PDCD11: variants seen among roughly 807,000 people sequenced by gnomAD.
PDCD11 encodes protein RRP5 homolog.
Under a neutral mutation model 198.9 loss-of-function variants are expected in PDCD11, and 97 were observed. That is an observed-to-expected ratio of 0.49 (90% CI 0.41 to 0.58). PDCD11 has a LOEUF of 0.58. PDCD11 is among the 20% of genes least tolerant of loss of function. The pLI is 0.00. For synonymous variants in PDCD11, 893 were observed against 918.0 expected, an observed-to-expected ratio of 0.97 and a Z score of 0.49; for missense variants, 2,102 against 2,312.7, an observed-to-expected ratio of 0.91 and a Z score of 1.87.
At chr10:103,430,635 C>CTTTTTTTTT (rs945485194) in intron 21 of PDCD11, among the ~76,000 whole-genome samples, 2 of 130,834 alleles carry the variant, frequency 1.5e-5, no homozygotes, top group African/African-American at 2.8e-5. Flanking sequence ...TCGTTATTTT[C>CTTTTTTTTT]TTTTTTTTTT....
At chr10:103,413,381 A>AG in intron 9 of PDCD11, 59 bp downstream of exon 9, 1 of 1,386,928 alleles carries the variant, frequency 7.2e-7, no homozygotes, top group Non-Finnish European at 1.0e-6. Flanking sequence ...TCTGGAGCAC[A>AG]GGGGGCCATT....
chr10:103,421,259 T>C (rs772004868), intron 16 of PDCD11, 89 bp from the exon 17 acceptor site: 228 of 994,086 alleles, frequency 2.3e-4, no homozygotes, highest in Non-Finnish European at 3.3e-4. Context: ...CATTTCCCCC[T>C]ACTCACGTAC....
intron 2 of PDCD11, among the ~76,000 whole-genome samples, chr10:103,399,167 A>G (rs185099737): frequency 7.9e-4 from 111 of 139,914 alleles, no homozygotes; most frequent in African/African-American, 2.8e-3. Flanking sequence ...GCTGAAGTGC[A>G]GTGGCGTGAG....
intron 16 of PDCD11, 113 bp downstream of exon 16, chr10:103,419,821 G>T (rs889254699): frequency 3.2e-6 from 3 of 924,616 alleles, no homozygotes; most frequent in Non-Finnish European, 4.8e-6. Flanking sequence ...AGACAGTCTT[G>T]TTCTGTCGCC....
Position 103,420,853 on chromosome 10 carries a change from TTTG to T in PDCD11, c.2278-483_2278-481del, listed in dbSNP as rs137965347. ...GCCCTCTCCTGGAGGCTCTGTTTTT[TTTG>T]TTGTTGTTGTTTGTTTTTGTTTTTG... On this transcript the variant is annotated intron_variant, in intron 16 of 35. Coordinates refer to ENST00000369797, the MANE Select transcript of PDCD11 (RefSeq NM_014976.2). Among the ~76,000 whole-genome samples the T allele has an allele frequency of 4.6e-3, 702 of 151,730 alleles. 17 individuals carry two copies. The East Asian group carries it at 0.064, about 14-fold the overall frequency.
chr10:103,442,472 G>A lies in PDCD11; in HGVS notation c.4955+12G>A, dbSNP rs1005016297. ...ACCATCTCCTTCAGGTCTCAGCTTT[G>A]CCCCAGGGAGCACAGTGTCTTCGCA... On this transcript the variant is annotated intron_variant, in intron 32 of 35. Transcript: ENST00000369797. 1.2e-6 allele frequency: 2 copies of A among 1,610,122 alleles called. No individual in the cohort carries two copies. The highest frequency in any genetic ancestry group is 1.7e-6 in the Non-Finnish European group (2 of 1,178,210).
chr10:103,437,341 G>A (rs1404832277), intron 25 of PDCD11, among the ~76,000 whole-genome samples: 2 of 152,036 alleles, frequency 1.3e-5, no homozygotes. Flanking sequence ...ACAGGGTCTC[G>A]CTTTGCTGCC....
At chr10:103,398,824 G>A (rs1414016077) in intron 2 of PDCD11, among the ~76,000 whole-genome samples, 1 of 152,158 alleles carries the variant, frequency 6.6e-6, no homozygotes, top group African/African-American at 2.4e-5. Context: ...TTCAAGAGCA[G>A]CCTGGCCAAC....
rs748425835 is a variant in PDCD11, at chr10:103,434,836, C to G, written c.3706C>G (p.Arg1236Gly). The change falls in exon 25 of 36, where the codon CGA becomes GGA. Residue 1236 changes from arginine to glycine, a missense_variant. Transcript: ENST00000369797. ...TGAGGAAGGGGAAGTGGCCATGGGC[C>G]GAGTGGTGAAGGTGACTCCCAACGA... ...KLEEGEVAMG[R>G]VVKVTPNEGL... The G allele has an allele frequency of 6.2e-7, 1 of 1,611,672 alleles. No individual in the cohort carries two copies. Among genetic ancestry groups the G allele is most frequent in the Non-Finnish European group, 8.5e-7 (1 of 1,178,986 alleles).
chr10:103,434,979 A>G lies in PDCD11; in HGVS notation c.3845+4A>G, dbSNP rs202038459. On this transcript the variant is annotated splice_donor_region_variant and intron_variant, in intron 25 of 35. Coordinates refer to ENST00000369797, the MANE Select transcript of PDCD11 (RefSeq NM_014976.2). Reference sequence around the variant, plus strand: ...TCGTCCCCCAGAAGGTTGTCAGGTAAGCGAAGTGTTCTTCCTCTTTTCACC... The same window carrying G: ...TCGTCCCCCAGAAGGTTGTCAGGTAGGCGAAGTGTTCTTCCTCTTTTCACC... 3 of 1,526,604 alleles carry G rather than the reference A, an allele frequency of 2.0e-6. No individual in the cohort carries two copies. In the African/African-American group the frequency reaches 4.2e-5, roughly 21 times the overall value. The allele number at this position is 1,526,604 out of a possible 1,614,324, so 94.6% of individuals were successfully genotyped here. A position where few individuals can be genotyped will look rare whatever the true frequency, so the allele number is the denominator to read the frequency against.
intron 17 of PDCD11, among the ~76,000 whole-genome samples, chr10:103,422,762 A>G (rs2133715437): frequency 6.6e-6 from 1 of 152,036 alleles, no homozygotes; most frequent in South Asian, 2.1e-4. Flanking sequence ...TTTGTTGGCT[A>G]CTCCCATGAA....
intron 3 of PDCD11, 50 bp from the exon 4 acceptor site, chr10:103,403,068 C>A: frequency 6.5e-7 from 1 of 1,548,584 alleles, no homozygotes; most frequent in Non-Finnish European, 8.9e-7. Flanking sequence ...CCAACCTTCC[C>A]TATTGTTGTT....
rs2032061067 is a variant in PDCD11 at position 103,434,365 on chromosome 10, CAG to C, written c.3667+16_3667+17del. ...GTCCCTCACAGGTGTGGGGATGAAA[CAG>C]TGCCTGGTCGGGGAAGGGGAGCGGC... On this transcript the variant is annotated intron_variant, in intron 24 of 35. Transcript: ENST00000369797. The C allele has an allele frequency of 6.5e-7, 1 of 1,528,662 alleles. No homozygotes were observed. The highest frequency in any genetic ancestry group is 1.1e-5 in the South Asian group (1 of 88,980). 94.7% of individuals were successfully genotyped at this position (1,528,662 alleles called of 1,614,324 possible).
intron 25 of PDCD11, among the ~76,000 whole-genome samples, chr10:103,436,759 AG>A: frequency 6.6e-6 from 1 of 152,322 alleles, no homozygotes; most frequent in Middle Eastern, 3.4e-3. Context: ...CGGTCCCTTG[AG>A]GTTCTGTCCA....
At chr10:103,425,677 TC>T (rs1261632769) in intron 20 of PDCD11, 152 bp downstream of exon 20, 4 of 690,484 alleles carry the variant, frequency 5.8e-6, no homozygotes, top group Non-Finnish European at 9.7e-6. Context: ...TTTGCAAGAT[TC>T]TTTTTTTTTT....
At chr10:103,404,329 C>T (rs2030307854) in intron 4 of PDCD11, among the ~76,000 whole-genome samples, 1 of 151,800 alleles carries the variant, frequency 6.6e-6, no homozygotes, top group Admixed American at 6.6e-5. Flanking sequence ...GATGGAGTCT[C>T]ACTCTTTAGC....
intron 19 of PDCD11, 85 bp downstream of exon 19, chr10:103,423,743 T>C: frequency 2.3e-6 from 2 of 877,924 alleles, no homozygotes; most frequent in South Asian, 1.4e-5. Flanking sequence ...CCAACTCAGA[T>C]GCCTGTAGCA....
intron 35 of PDCD11, 67 bp downstream of exon 35, chr10:103,444,749 C>T (rs2133759669): frequency 7.0e-7 from 1 of 1,418,670 alleles, no homozygotes; most frequent in South Asian, 1.2e-5. Flanking sequence ...GGTCCCACAG[C>T]AGCTCTCAGC....
At chr10:103,427,885 G>GA (rs2031765674) in intron 21 of PDCD11, among the ~76,000 whole-genome samples, 1 of 152,152 alleles carries the variant, frequency 6.6e-6, no homozygotes, top group South Asian at 2.1e-4. Context: ...CTCTCAGATT[G>GA]ATAGACCCTT....
Sources: gnomAD v4.1 joint callset for allele counts (sites outside exome capture counted in the v4.1 genomes callset) on GRCh38, gnomAD v4.1.1 for gene constraint, MANE v1.5 for transcripts, NCBI Gene and HGNC (gene_info 2026-07-23, HGNC 2026-07-21) for gene names.